ABCA8: variants seen among roughly 807,000 people sequenced by gnomAD.
ABCA8 encodes ABC-type organic anion transporter ABCA8.
ABCA8 carries 177 observed loss-of-function variants against 192.3 expected under a neutral mutation model. The observed-to-expected ratio is 0.92, with a 90% CI of 0.81 to 1.04. The LOEUF is 1.04. Ranked by LOEUF, ABCA8 falls within the 50% of genes least tolerant of loss-of-function variation. The probability of loss-of-function intolerance (pLI) is 0.00; values close to 1 mark genes in which losing one functional copy is unlikely to be tolerated. For synonymous variants in ABCA8, 642 were observed against 690.2 expected (o/e 0.93, Z 1.09); for missense variants, 1,915 against 1,904.8 (o/e 1.01, Z -0.10).
chr17:68,933,107 A>T, intron 6 of ABCA8, 61 bp downstream of exon 6: 3 of 1,153,946 alleles, frequency 2.6e-6, no homozygotes, highest in Non-Finnish European at 3.8e-6. Context: ...GAAACTTTTG[A>T]TGCCTCTAAT....
At chr17:68,872,940 A>C (rs947131210) in intron 37 of ABCA8, among the ~76,000 whole-genome samples, 2 of 152,226 alleles carry the variant, frequency 1.3e-5, no homozygotes, top group African/African-American at 4.8e-5. Context: ...AAGTTAAAAA[A>C]ATTTTAGAAG....
rs1161558029 is a variant in ABCA8, at chr17:68,911,428, C to T, written c.2139-3549G>A. Among the ~76,000 whole-genome samples, 1 of 152,106 alleles carries T rather than the reference C, an allele frequency of 6.6e-6. No homozygotes were observed. Among genetic ancestry groups the T allele is most frequent in the Non-Finnish European group, 1.5e-5 (1 of 68,008 alleles). Reference sequence around the variant, plus strand: ...AGCTCAGCTGCAGCAGAATACAGTGCCATGTAGATTCCTAAGATTTCTGAC... The same window carrying T: ...AGCTCAGCTGCAGCAGAATACAGTGTCATGTAGATTCCTAAGATTTCTGAC... On this transcript the variant is annotated intron_variant, in intron 17 of 39. Transcript: ENST00000586539. This position sits in a 1 kb window ranked among gnomAD's most constrained non-coding sequence, Gnocchi z 5.7.
At chr17:68,922,415 C>T in intron 11 of ABCA8, 115 bp from the exon 12 acceptor site, 1 of 705,306 alleles carries the variant, frequency 1.4e-6, no homozygotes, top group Non-Finnish European at 2.2e-6. Flanking sequence ...TCTGGGTCTT[C>T]ACTCTCACAC....
intron 3 of ABCA8, among the ~76,000 whole-genome samples, chr17:68,941,358 T>A (rs1325898639): frequency 6.6e-6 from 1 of 152,128 alleles, no homozygotes; most frequent in Non-Finnish European, 1.5e-5. Context: ...CTTTACGATG[T>A]ATGTATAGTG....
At chr17:68,883,254 T>C (rs1370745907) in intron 29 of ABCA8, among the ~76,000 whole-genome samples, 1 of 152,216 alleles carries the variant, frequency 6.6e-6, no homozygotes, top group Non-Finnish European at 1.5e-5. Flanking sequence ...CATCCAACTT[T>C]CTGTAATAGC....
intron 21 of ABCA8, among the ~76,000 whole-genome samples, chr17:68,897,826 T>TA (rs986153972): frequency 6.6e-6 from 1 of 151,062 alleles, no homozygotes; most frequent in Non-Finnish European, 1.5e-5. Context: ...ACAACAACAA[T>TA]AAAAAAACAG....
intron 33 of ABCA8, among the ~76,000 whole-genome samples, chr17:68,876,933 T>C (rs2066223401): frequency 1.3e-5 from 2 of 152,228 alleles, no homozygotes; most frequent in Admixed American, 1.3e-4. Flanking sequence ...ATAGTTGTTC[T>C]ATGACAGTCC....
rs144775575 is a variant in ABCA8 at position 68,913,473 on chromosome 17, G to A, written c.2138+3888C>T. 1.4e-3 allele frequency among the ~76,000 whole-genome samples: 216 copies of A among 150,412 alleles called. 2 individuals are homozygous for A. The highest frequency in any genetic ancestry group is 4.9e-3 in the Admixed American group (74 of 15,088). Reference sequence around the variant, plus strand: ...AAAATTTGAAAAGTTAAACAAAATGGACAAACTTTTAGCCAGACTAAAAAA... The same window carrying A: ...AAAATTTGAAAAGTTAAACAAAATGAACAAACTTTTAGCCAGACTAAAAAA... On this transcript the variant is annotated intron_variant, in intron 17 of 39. Transcript: ENST00000586539.
intron 17 of ABCA8, among the ~76,000 whole-genome samples, chr17:68,910,877 T>C (rs1013168608): frequency 1.3e-5 from 2 of 152,140 alleles, no homozygotes; most frequent in African/African-American, 2.4e-5. Flanking sequence ...GACCCAGTTC[T>C]GGCAGAATTC....
At chr17:68,877,313 C>T (rs746088808) in intron 33 of ABCA8, 71 of 445,794 alleles carry the variant, frequency 1.6e-4, no homozygotes, top group Non-Finnish European at 2.6e-4. Context: ...GCCACTGCGC[C>T]CAGCCTTTTT....
At chr17:68,929,811 C>T in intron 7 of ABCA8, 109 bp from the exon 8 acceptor site, 1 of 1,010,892 alleles carries the variant, frequency 9.9e-7, no homozygotes, top group Non-Finnish European at 1.4e-6. Flanking sequence ...CATTCATTCT[C>T]TCTTTCAACA....
Position 68,907,721 on chromosome 17 carries a change from C to T in ABCA8, c.2278+19G>A. 1 of 1,545,996 alleles carries T rather than the reference C, an allele frequency of 6.5e-7. No homozygotes were observed. Among genetic ancestry groups the T allele is most frequent in the Non-Finnish European group, 8.7e-7 (1 of 1,148,330 alleles). ...ACTATTATTCACATATTTTATTTCA[C>T]AGTGTTCATGCACATTACCTGGAAA... On this transcript the variant is annotated intron_variant, in intron 18 of 39. Transcript: ENST00000586539.
intron 6 of ABCA8, 66 bp from the exon 7 acceptor site, chr17:68,932,580 A>AT: frequency 8.4e-7 from 1 of 1,193,192 alleles, no homozygotes; most frequent in Non-Finnish European, 1.2e-6. Context: ...TCTTTTAACC[A>AT]TCTATTTTCT....
At chr17:68,932,592 G>T in intron 6 of ABCA8, 78 bp from the exon 7 acceptor site, 1 of 1,055,010 alleles carries the variant, frequency 9.5e-7, no homozygotes, top group Non-Finnish European at 1.4e-6. Flanking sequence ...CTATTTTCTT[G>T]TGGATGTATG....
rs770423591 is a variant in ABCA8, at chr17:68,940,862, C to T, written c.197G>A (p.Arg66Gln). ...FSSLLTMDLG[R>Q]VDTFNESRFS... Reference sequence around the variant, plus strand: ...TCTGGATTCATTAAATGTATCTACCCGTCCCAGGTCCATGGTAAGCAGTGA... The same window carrying T: ...TCTGGATTCATTAAATGTATCTACCTGTCCCAGGTCCATGGTAAGCAGTGA... Residue 66 changes from arginine (R) to glutamine (Q), a missense_variant, in exon 4 of 40, where the codon CGG becomes CAG. Arg to Gln is a conservative substitution (Grantham distance 43). Coordinates refer to ENST00000586539, the MANE Select transcript of ABCA8 (RefSeq NM_001288985.2). 15 of 1,612,972 alleles carry T rather than the reference C, an allele frequency of 9.3e-6. No homozygotes were observed. Among genetic ancestry groups the T allele is most frequent in the African/African-American group, 4.0e-5 (3 of 74,804 alleles).
chr17:68,948,893 T>G (rs1443712277), intron 2 of ABCA8, among the ~76,000 whole-genome samples: 1 of 152,220 alleles, frequency 6.6e-6, no homozygotes, highest in East Asian at 1.9e-4. Context: ...TTTAAGTCTT[T>G]AAAACATTTT....
chr17:68,882,696 A>G lies in ABCA8; in HGVS notation c.3731T>C (p.Val1244Ala), dbSNP rs750162278. 5 of 1,612,708 alleles carry G rather than the reference A, an allele frequency of 3.1e-6. No individual in the cohort carries two copies. The South Asian group carries it at 4.4e-5, about 14-fold the overall frequency. ...FFRISPRSSD[V>A]CQNPEEPEGE... ...TTCTGGTTCTTCTGGATTTTGACAC[A>G]CATCACTACTTCTTGGAGAAATTCT... is the stretch of plus-strand genomic sequence containing the variant. The change falls in exon 30 of 40, where the codon GTG (valine) becomes GCG (alanine). Residue 1244 changes from valine to alanine, a missense_variant. Val to Ala is a moderately conservative substitution (Grantham distance 64). Transcript: ENST00000586539.
At position 68,955,226 on chromosome 17, in the gene ABCA8, A is replaced by C. The variant is rs1217910804; in HGVS notation, c.-174T>G. ...AAAATACAGTGAACTTACTTCTGGG[A>C]AAATGGAAGCAAGGAATCTAGAGGT... On this transcript the variant is annotated 5_prime_UTR_variant, in exon 1 of 40. Transcript: ENST00000586539. The C allele has an allele frequency of 6.6e-6, 1 of 152,214 alleles. No homozygotes were observed. Among genetic ancestry groups the C allele is most frequent in the Non-Finnish European group, 1.5e-5 (1 of 68,040 alleles). 9.4% of individuals were successfully genotyped at this position (152,214 alleles called of 1,614,324 possible). A position where few individuals can be genotyped will look rare whatever the true frequency, so the allele number is the denominator to read the frequency against.
chr17:68,901,982 A>C (rs2066926719), intron 21 of ABCA8, among the ~76,000 whole-genome samples: 1 of 152,186 alleles, frequency 6.6e-6, no homozygotes, highest in South Asian at 2.1e-4. Context: ...TTCAAACAAA[A>C]ACTTGTACAT....
Sources: allele counts gnomAD v4.1 joint callset (sites outside exome capture counted in the v4.1 genomes callset), GRCh38; gene constraint gnomAD v4.1.1; non-coding constraint Gnocchi (gnomAD v3.1); transcripts MANE v1.5; gene names NCBI Gene and HGNC (gene_info 2026-07-23, HGNC 2026-07-21).